RGS6: variants seen among roughly 807,000 people sequenced by gnomAD.
RGS6 encodes regulator of G protein signaling 6.
RGS6 carries 30 observed loss-of-function variants against 78.5 expected under a neutral mutation model. The observed-to-expected ratio is 0.38, with a 90% confidence interval of 0.29 to 0.52. The LOEUF is 0.52. Ranked by LOEUF, RGS6 falls within the 20% of genes least tolerant of loss-of-function variation. The pLI, the probability that RGS6 is intolerant of heterozygous loss-of-function variation, is 0.85. For missense variants in RGS6, 495 were observed against 609.7 expected (o/e 0.81, Z 1.98); for synonymous variants, 206 against 206.0 (o/e 1.00, Z 0.00).
chr14:72,134,562 G>A (rs1029060513), intron 2 of RGS6, among the ~76,000 whole-genome samples: 3 of 152,184 alleles, frequency 2.0e-5, no homozygotes, highest in Non-Finnish European at 4.4e-5. Flanking sequence ...ATGTGTGTTA[G>A]GGTTCTCCAG....
chr14:71,876,473 CTTTTTT>C, the RGS6 span, among the ~76,000 whole-genome samples: 29 of 72,438 alleles, frequency 4.0e-4, no homozygotes, highest in Admixed American at 5.8e-4. Context: ...GCAACCGCTG[CTTTTTT>C]TTTTTTTTTT....
intron 3 of RGS6, among the ~76,000 whole-genome samples, chr14:72,386,083 A>G (rs567490934): frequency 2.6e-5 from 4 of 152,190 alleles, no homozygotes; most frequent in African/African-American, 9.6e-5. Flanking sequence ...CATGGGCAGG[A>G]TGTGGATTGA....
At chr14:72,002,459 G>A (rs1441432898) in intron 2 of RGS6, among the ~76,000 whole-genome samples, 2 of 152,122 alleles carry the variant, frequency 1.3e-5, no homozygotes, top group African/African-American at 4.8e-5. Context: ...TTGGTTTCTG[G>A]TAGTACGTTG....
At chr14:72,570,951 A>G (rs909075179), downstream of RGS6, among the ~76,000 whole-genome samples, 2 of 152,086 alleles carry the variant, frequency 1.3e-5, no homozygotes, top group East Asian at 1.9e-4. Context: ...GACCTTGATA[A>G]TCTTTGGGAA....
intron 3 of RGS6, among the ~76,000 whole-genome samples, chr14:72,415,281 A>G (rs1384243125): frequency 6.6e-6 from 1 of 152,058 alleles, no homozygotes; most frequent in Non-Finnish European, 1.5e-5. Flanking sequence ...TTGCAGTTTG[A>G]TCTCAGACTG....
rs558675434 is a variant in RGS6 at position 72,202,904 on chromosome 14, G to A, written c.85-149191G>A. Among the ~76,000 whole-genome samples, 379 of 151,958 alleles carry A rather than the reference G, an allele frequency of 2.5e-3. 9 individuals carry two copies. The highest frequency in any genetic ancestry group is 1.8e-3 in the Non-Finnish European group (125 of 67,940). On this transcript the variant is annotated intron_variant, in intron 2 of 17. Coordinates refer to ENST00000553525, the MANE Select transcript of RGS6 (RefSeq NM_001204424.2). ...GTTTTGTTTTTTGAGGCGGAGTCTC[G>A]CTCTGTCGCCCAGGCTGGAGTGCAG...
At chr14:72,426,120 G>A (rs1015278111) in intron 3 of RGS6, among the ~76,000 whole-genome samples, 2 of 152,086 alleles carry the variant, frequency 1.3e-5, no homozygotes, top group Non-Finnish European at 2.9e-5. Context: ...TGTTGCGAAC[G>A]TATGTTTATG....
chr14:72,093,174 G>A (rs8008342), intron 2 of RGS6, among the ~76,000 whole-genome samples: 132,347 of 152,124 alleles, frequency 0.87, 57,900 homozygotes, highest in Admixed American at 0.93. Context: ...CTTCAAGGAC[G>A]ACCAATATCT....
intron 2 of RGS6, among the ~76,000 whole-genome samples, chr14:72,336,460 A>T (rs17110904): frequency 6.6e-6 from 1 of 152,034 alleles, no homozygotes; most frequent in East Asian, 1.9e-4. Context: ...CAAATTAGTT[A>T]GTTTGGCTCA....
At chr14:72,595,057 C>T in the RGS6 span, 1 of 152,054 alleles carries the variant, frequency 6.6e-6, no homozygotes, top group African/African-American at 2.4e-5. Context: ...ATGGTGTCTC[C>T]CATAAATGAT....
chr14:72,552,899 T>C (rs1308796899), intron 17 of RGS6: 1 of 152,198 alleles, frequency 6.6e-6, no homozygotes, highest in Non-Finnish European at 1.5e-5. Flanking sequence ...GTGAATGCTT[T>C]AAGTTTGCAG....
At chr14:72,308,319 A>G (rs1293126464) in intron 2 of RGS6, among the ~76,000 whole-genome samples, 2 of 152,176 alleles carry the variant, frequency 1.3e-5, no homozygotes, top group Non-Finnish European at 2.9e-5. Context: ...AGCAAATACA[A>G]CTGTCCTTCA....
chr14:72,519,358 A>G (rs1374514987), intron 15 of RGS6, among the ~76,000 whole-genome samples: 4 of 152,204 alleles, frequency 2.6e-5, no homozygotes, highest in Non-Finnish European at 5.9e-5. Context: ...ACCCAGTGAC[A>G]GGGCTTAAGA....
At chr14:72,477,042 T>C in intron 11 of RGS6, 1 of 554,762 alleles carries the variant, frequency 1.8e-6, no homozygotes, top group Non-Finnish European at 3.2e-6. Context: ...ACCCAGTTCC[T>C]CCAGCAGTTA....
intron 8 of RGS6, 57 bp from the exon 9 acceptor site, chr14:72,472,815 C>A (rs989731696): frequency 1.5e-6 from 2 of 1,319,082 alleles, no homozygotes; most frequent in South Asian, 1.3e-5. Context: ...GAGCAAGTGT[C>A]AGAAGGGAAA....
chr14:72,628,081 C>T, the RGS6 span, among the ~76,000 whole-genome samples: 8 of 152,022 alleles, frequency 5.3e-5, no homozygotes, highest in African/African-American at 1.9e-4. Flanking sequence ...ACTTTGTTAT[C>T]CATTCTTACA....
At chr14:71,974,978 A>C (rs1174069025) in intron 2 of RGS6, among the ~76,000 whole-genome samples, 9 of 152,204 alleles carry the variant, frequency 5.9e-5, no homozygotes, top group African/African-American at 2.2e-4. Flanking sequence ...CATCTCTACA[A>C]AAAGAAAGAA....
chr14:71,877,362 CTTTG>C, the RGS6 span, among the ~76,000 whole-genome samples: 4 of 152,180 alleles, frequency 2.6e-5, no homozygotes, highest in African/African-American at 9.6e-5. Context: ...TTCTTGGAGG[CTTTG>C]TTTATTTCTT....
chr14:72,097,575 AGAG>A (rs1377724125), intron 2 of RGS6, among the ~76,000 whole-genome samples: 17 of 152,224 alleles, frequency 1.1e-4, no homozygotes, highest in Admixed American at 9.8e-4. Context: ...CCAAGAATGA[AGAG>A]GAGGAGAAGG....
Sources: allele counts gnomAD v4.1 joint callset (sites outside exome capture counted in the v4.1 genomes callset), GRCh38; gene constraint gnomAD v4.1.1; transcripts MANE v1.5; gene names NCBI Gene and HGNC (gene_info 2026-07-23, HGNC 2026-07-21).